AXDND1: variants seen among roughly 807,000 people sequenced by gnomAD.
AXDND1 encodes the protein axonemal dynein light chain domain containing 1.
In AXDND1, 110 loss-of-function variants were observed where a neutral mutation model predicts 137.5. The ratio of observed to expected loss-of-function variants is 0.80; its 90% CI spans 0.69 to 0.94. The LOEUF is 0.94. Ranked by LOEUF, AXDND1 falls within the 40% of genes least tolerant of loss-of-function variation. AXDND1 has a pLI of 0.00. For synonymous variants in AXDND1, 414 were observed against 399.7 expected (o/e 1.04, Z -0.43); for missense variants, 1,191 against 1,169.8 (o/e 1.02, Z -0.26).
chr1:179,444,652 A>G (rs985597706), intron 15 of AXDND1, among the ~76,000 whole-genome samples: 3 of 134,966 alleles, frequency 2.2e-5, no homozygotes, highest in African/African-American at 8.6e-5. Flanking sequence ...ACTAAAGCCA[A>G]TAGTATTAAA....
intron 11 of AXDND1, among the ~76,000 whole-genome samples, chr1:179,397,471 A>T (rs13374852): frequency 0.11 from 17,480 of 152,068 alleles, 1,185 homozygotes; most frequent in East Asian, 0.35. Flanking sequence ...CTTGAGGATG[A>T]TCTTCTTGTG....
intron 11 of AXDND1, among the ~76,000 whole-genome samples, chr1:179,408,915 G>T (rs1033242292): frequency 6.7e-6 from 1 of 148,828 alleles, no homozygotes; most frequent in Non-Finnish European, 1.5e-5. Flanking sequence ...AAACTCCTAG[G>T]TTCAAGTAAT....
intron 23 of AXDND1, 58 bp from the exon 24 acceptor site, chr1:179,533,737 G>C: frequency 7.6e-7 from 1 of 1,323,120 alleles, no homozygotes; most frequent in South Asian, 1.2e-5. Flanking sequence ...TCCTAAAAAA[G>C]TAGAATACTA....
intron 19 of AXDND1, 43 bp downstream of exon 19, chr1:179,491,780 G>A: frequency 6.8e-7 from 1 of 1,464,676 alleles, no homozygotes; most frequent in Non-Finnish European, 9.2e-7. Context: ...AGAATTGAAT[G>A]TCGCATATAA....
rs1168773887 is a variant in AXDND1 at position 179,381,159 on chromosome 1, G to A, written c.582-1541G>A. Among the ~76,000 whole-genome samples the A allele has an allele frequency of 3.3e-5, 5 of 149,452 alleles. No homozygotes were observed. In the East Asian group the frequency reaches 8.0e-4, roughly 24 times the overall value. ...AGGTTCAAGCGATTCTCCTGCCTCA[G>A]CCTCCTGAGTAGCTGGGATTACAGG... On this transcript the variant is annotated intron_variant, in intron 6 of 25. Transcript: ENST00000367618.
At chr1:179,399,777 A>G (rs2125163322) in intron 11 of AXDND1, among the ~76,000 whole-genome samples, 1 of 152,362 alleles carries the variant, frequency 6.6e-6, no homozygotes, top group Non-Finnish European at 1.5e-5. Context: ...ACATGAATAG[A>G]CAATTCTCAA....
At chr1:179,400,946 GAAAC>G (rs1459811799) in intron 11 of AXDND1, among the ~76,000 whole-genome samples, 1 of 132,808 alleles carries the variant, frequency 7.5e-6, no homozygotes, top group Admixed American at 7.6e-5. Flanking sequence ...AAAGGACACA[GAAAC>G]AAACAAATGA....
chr1:179,386,418 C>T (rs1207999003), intron 9 of AXDND1, among the ~76,000 whole-genome samples: 38 of 151,180 alleles, frequency 2.5e-4, no homozygotes, highest in Admixed American at 2.5e-3. Flanking sequence ...TTTTTTTTCA[C>T]GTTTCTTGTG....
intron 20 of AXDND1, among the ~76,000 whole-genome samples, chr1:179,503,373 A>G (rs185898409): frequency 2.0e-5 from 3 of 152,036 alleles, no homozygotes; most frequent in Admixed American, 2.0e-4. Flanking sequence ...TTGCTAATAC[A>G]TTTTAAATCT....
chr1:179,496,790 T>C (rs1468228478), intron 20 of AXDND1, among the ~76,000 whole-genome samples: 1 of 152,088 alleles, frequency 6.6e-6, no homozygotes, highest in Non-Finnish European at 1.5e-5. Flanking sequence ...GTAGCTGAGA[T>C]TATTGATTTG....
At chr1:179,412,832 A>G (rs2125228686) in intron 12 of AXDND1, among the ~76,000 whole-genome samples, 1 of 152,330 alleles carries the variant, frequency 6.6e-6, no homozygotes, top group East Asian at 1.9e-4. Flanking sequence ...GTTGAATAGA[A>G]GTGGTAAAAG....
intron 17 of AXDND1, among the ~76,000 whole-genome samples, chr1:179,474,175 A>G (rs1227662939): frequency 6.6e-6 from 1 of 151,086 alleles, no homozygotes; most frequent in African/African-American, 2.4e-5. Context: ...CAATGAGCCG[A>G]GTTCACACTC....
intron 25 of AXDND1, among the ~76,000 whole-genome samples, chr1:179,539,840 T>C (rs1671944551): frequency 6.6e-6 from 1 of 152,160 alleles, no homozygotes; most frequent in Non-Finnish European, 1.5e-5. Context: ...CAAACGTAGA[T>C]TCGGTCTTTT....
At chr1:179,447,823 T>C (rs1018981245) in intron 16 of AXDND1, 246 of 1,289,114 alleles carry the variant, frequency 1.9e-4, no homozygotes, top group East Asian at 8.1e-4. Flanking sequence ...CACTGTGAAG[T>C]CTGTAGTGCC....
chr1:179,502,581 AAAAAG>A (rs1558276935), intron 20 of AXDND1, among the ~76,000 whole-genome samples: 1 of 151,804 alleles, frequency 6.6e-6, no homozygotes, highest in East Asian at 1.9e-4. Context: ...AAAAAAAAAA[AAAAAG>A]AAATTGCAAA....
chr1:179,483,337 A>AT, intron 18 of AXDND1, 116 bp downstream of exon 18: 1 of 557,546 alleles, frequency 1.8e-6, no homozygotes, highest in Non-Finnish European at 3.1e-6. Flanking sequence ...GGCAAAATAG[A>AT]AGCTTGTATA....
intron 9 of AXDND1, among the ~76,000 whole-genome samples, chr1:179,388,973 A>ATTTTTTTTTTTTTTTTTTTT (rs200417239): frequency 1.3e-5 from 1 of 76,532 alleles, no homozygotes. Context: ...TCATTTTTAG[A>ATTTTTTTTTTTTTTTTTTTT]TTCTTTTTTT....
intron 4 of AXDND1, among the ~76,000 whole-genome samples, chr1:179,372,555 A>G (rs1425589859): frequency 6.6e-6 from 1 of 151,764 alleles, no homozygotes; most frequent in East Asian, 2.0e-4. Context: ...TTATTATGTT[A>G]TGATTAAGAA....
intron 25 of AXDND1, among the ~76,000 whole-genome samples, chr1:179,547,274 T>C (rs1672738387): frequency 6.6e-6 from 1 of 152,190 alleles, no homozygotes; most frequent in Admixed American, 6.5e-5. Flanking sequence ...TGTAGCTATA[T>C]TGATATGAAG....
Sources: gnomAD v4.1 joint callset for allele counts (sites outside exome capture counted in the v4.1 genomes callset) on GRCh38, gnomAD v4.1.1 for gene constraint, MANE v1.5 for transcripts, NCBI Gene and HGNC (gene_info 2026-07-23, HGNC 2026-07-21) for gene names.